Variants in ARHGEF26 observed in about 807,000 individuals in gnomAD.
ARHGEF26 encodes Rho guanine nucleotide exchange factor 26, also known as Rho guanine nucleotide exchange factor (GEF) 26.
Under a neutral mutation model 89.4 loss-of-function variants are expected in ARHGEF26, and 59 were observed. The ratio of observed to expected loss-of-function variants is 0.66; its 90% CI spans 0.54 to 0.82. ARHGEF26 has a LOEUF of 0.82. Among genes scored for constraint, ARHGEF26 ranks in the 40% least tolerant of loss-of-function variants. The pLI, the probability that ARHGEF26 is intolerant of heterozygous loss-of-function variation, is 0.00. For missense variants in ARHGEF26, 1,234 were observed against 1,085.6 expected, an observed-to-expected ratio of 1.14 and a Z score of -1.92; for synonymous variants, 500 against 428.4, an observed-to-expected ratio of 1.17 and a Z score of -2.06.
chr3:154,125,023 A>G (rs1005600948), intron 3 of ARHGEF26, among the ~76,000 whole-genome samples: 1 of 150,772 alleles, frequency 6.6e-6, no homozygotes, highest in Admixed American at 6.6e-5. Context: ...AACCCTAATC[A>G]GATTAATGGA....
intron 8 of ARHGEF26, among the ~76,000 whole-genome samples, chr3:154,193,368 T>C (rs146791104): frequency 6.6e-4 from 101 of 152,298 alleles, no homozygotes; most frequent in Non-Finnish European, 1.1e-3. Flanking sequence ...TCAAAAAATA[T>C]AAGAACCTCC....
chr3:154,171,497 A>G (rs546950999), intron 6 of ARHGEF26, among the ~76,000 whole-genome samples: 101 of 152,328 alleles, frequency 6.6e-4, no homozygotes, highest in African/African-American at 2.4e-3. Flanking sequence ...TCACTGCTCT[A>G]AATATCCTCT....
chr3:154,208,858 C>T (rs577891237), intron 9 of ARHGEF26, among the ~76,000 whole-genome samples: 45 of 151,250 alleles, frequency 3.0e-4, no homozygotes, highest in Admixed American at 5.9e-4. Context: ...CTCCGCCTAC[C>T]GGATTCAAGC....
At chr3:154,196,173 C>T (rs918046927) in intron 9 of ARHGEF26, among the ~76,000 whole-genome samples, 5 of 152,004 alleles carry the variant, frequency 3.3e-5, no homozygotes, top group Non-Finnish European at 5.9e-5. Flanking sequence ...TGCAGCCAGC[C>T]GGCAGTGGTA....
chr3:154,180,156 C>T (rs1169161128), intron 6 of ARHGEF26, among the ~76,000 whole-genome samples: 1 of 152,164 alleles, frequency 6.6e-6, no homozygotes, highest in African/African-American at 2.4e-5. Context: ...TCTGTGATTA[C>T]TTTAAGCCCA....
At chr3:154,202,981 A>G (rs1212449973) in intron 9 of ARHGEF26, among the ~76,000 whole-genome samples, 2 of 152,078 alleles carry the variant, frequency 1.3e-5, no homozygotes, top group Non-Finnish European at 2.9e-5. Flanking sequence ...CTAATTGAAT[A>G]CCCTTTATTT....
chr3:154,240,824 T>C (rs986783936), intron 12 of ARHGEF26, among the ~76,000 whole-genome samples: 10 of 152,204 alleles, frequency 6.6e-5, no homozygotes, highest in Admixed American at 3.3e-4. Context: ...GTGCTTTAGG[T>C]GATGTCTTTA....
At chr3:154,144,236 G>T (rs573885674) in intron 4 of ARHGEF26, among the ~76,000 whole-genome samples, 2 of 152,252 alleles carry the variant, frequency 1.3e-5, no homozygotes, top group African/African-American at 2.4e-5. Flanking sequence ...TCAGGCTTTG[G>T]GGGTGGACAG....
chr3:154,243,942 T>A (rs150818525), intron 12 of ARHGEF26, among the ~76,000 whole-genome samples: 63 of 152,350 alleles, frequency 4.1e-4, no homozygotes, highest in African/African-American at 1.4e-3. Flanking sequence ...GCTACCGAGT[T>A]TTGAGCAATT....
At chr3:154,253,720 G>A (rs992463051) in intron 13 of ARHGEF26, among the ~76,000 whole-genome samples, 1 of 152,172 alleles carries the variant, frequency 6.6e-6, no homozygotes, top group Non-Finnish European at 1.5e-5. Flanking sequence ...GTGAAGGGGG[G>A]TGTTGTATGC....
At chr3:154,128,319 C>T (rs1473443948) in intron 3 of ARHGEF26, among the ~76,000 whole-genome samples, 2 of 152,086 alleles carry the variant, frequency 1.3e-5, no homozygotes, top group Non-Finnish European at 2.9e-5. Flanking sequence ...CTCACTGCAA[C>T]TTCTGCTTCC....
At chr3:154,221,289 C>CTG (rs1196572272) in intron 10 of ARHGEF26, among the ~76,000 whole-genome samples, 1 of 152,314 alleles carries the variant, frequency 6.6e-6, no homozygotes, top group South Asian at 2.1e-4. Flanking sequence ...AGATAATGAA[C>CTG]TTCACCTTTT....
At chr3:154,124,359 T>A in intron 2 of ARHGEF26, 51 bp from the exon 3 acceptor site, 1 of 1,256,504 alleles carries the variant, frequency 8.0e-7, no homozygotes, top group Non-Finnish European at 1.1e-6. Flanking sequence ...CATTCATACA[T>A]AGTTTGCTTT....
chr3:154,198,534 A>G (rs1160590841), intron 9 of ARHGEF26, among the ~76,000 whole-genome samples: 1 of 152,182 alleles, frequency 6.6e-6, no homozygotes, highest in East Asian at 1.9e-4. Flanking sequence ...ACACCATGGA[A>G]TACTACTCAG....
chr3:154,242,702 A>G (rs1197778750), intron 12 of ARHGEF26, among the ~76,000 whole-genome samples: 4 of 152,204 alleles, frequency 2.6e-5, no homozygotes, highest in Non-Finnish European at 5.9e-5. Context: ...ATTGCATGCT[A>G]TACAGAAATC....
At chr3:154,150,119 A>G (rs1173003780) in intron 5 of ARHGEF26, among the ~76,000 whole-genome samples, 1 of 138,574 alleles carries the variant, frequency 7.2e-6, no homozygotes, top group Non-Finnish European at 1.5e-5. Context: ...TTGATTCCAC[A>G]AAGGACCCAA....
intron 9 of ARHGEF26, among the ~76,000 whole-genome samples, chr3:154,207,798 T>C (rs1318337021): frequency 1.3e-5 from 2 of 152,316 alleles, no homozygotes; most frequent in East Asian, 3.9e-4. Context: ...CATGCACATG[T>C]ATGTTCATTG....
At chr3:154,226,690 CA>C (rs372253069) in intron 11 of ARHGEF26, among the ~76,000 whole-genome samples, 5,980 of 152,074 alleles carry the variant, frequency 0.039, 133 homozygotes, top group South Asian at 0.07. Context: ...CACACACACA[CA>C]CACACCCCTT....
At chr3:154,154,062 T>C (rs1233110656) in intron 6 of ARHGEF26, among the ~76,000 whole-genome samples, 2 of 152,170 alleles carry the variant, frequency 1.3e-5, no homozygotes, top group Non-Finnish European at 2.9e-5. Context: ...TTTATCGTTC[T>C]TTATTCATTT....
Sources: allele counts gnomAD v4.1 joint callset (sites outside exome capture counted in the v4.1 genomes callset), GRCh38; gene constraint gnomAD v4.1.1; transcripts MANE v1.5; gene names NCBI Gene and HGNC (gene_info 2026-07-23, HGNC 2026-07-21).